The following ZGPAT variants were observed in gnomAD, a reference collection of about 807,000 sequenced individuals.
The protein encoded by ZGPAT is zinc finger CCCH-type with G patch domain-containing protein.
Under a neutral mutation model 47.9 loss-of-function variants are expected in ZGPAT, and 39 were observed. The observed-to-expected ratio is 0.81, with a 90% CI of 0.63 to 1.06. ZGPAT has a LOEUF of 1.06. Among genes scored for constraint, ZGPAT ranks in the 50% least tolerant of loss-of-function variants. ZGPAT has a pLI of 0.00. For missense variants in ZGPAT, 717 were observed against 681.4 expected (o/e 1.05, Z -0.58); for synonymous variants, 348 against 292.9 (o/e 1.19, Z -1.92).
chr20:63,734,348 G>A (rs986849068), intron 4 of ZGPAT: 8 of 365,690 alleles, frequency 2.2e-5, no homozygotes, highest in Admixed American at 4.3e-5. Flanking sequence ...GGTGAAGGAG[G>A]ACTGAACCAA....
intron 2 of ZGPAT, among the ~76,000 whole-genome samples, chr20:63,711,652 AC>A (rs779470202): frequency 3.3e-5 from 5 of 151,668 alleles, no homozygotes; most frequent in African/African-American, 9.7e-5. Context: ...AGGCTAGAGT[AC>A]AATGGCATGA....
chr20:63,717,476 C>T (rs1011822470), intron 2 of ZGPAT, among the ~76,000 whole-genome samples: 29 of 151,478 alleles, frequency 1.9e-4, no homozygotes, highest in Admixed American at 1.8e-3. Context: ...CCTGAGTAGA[C>T]GTTTCCCGGC....
intron 2 of ZGPAT, among the ~76,000 whole-genome samples, chr20:63,710,995 CCTAGTT>C (rs1440623310): frequency 6.6e-6 from 1 of 151,784 alleles, no homozygotes; most frequent in Non-Finnish European, 1.5e-5. Context: ...TGTAACCATC[CCTAGTT>C]CTAGTTCTAG....
chr20:63,713,420 T>C (rs1222714630), intron 2 of ZGPAT, among the ~76,000 whole-genome samples: 1 of 151,840 alleles, frequency 6.6e-6, no homozygotes, highest in Non-Finnish European at 1.5e-5. Context: ...TTAGTAGAGA[T>C]GGGGTTTCAC....
At chr20:63,713,922 T>C (rs2091698709) in intron 2 of ZGPAT, among the ~76,000 whole-genome samples, 1 of 151,914 alleles carries the variant, frequency 6.6e-6, no homozygotes, top group South Asian at 2.1e-4. Flanking sequence ...AATCCTGTAT[T>C]GATTGCTGAA....
intron 2 of ZGPAT, among the ~76,000 whole-genome samples, chr20:63,722,644 T>C (rs1280913807): frequency 1.3e-5 from 2 of 148,330 alleles, no homozygotes; most frequent in African/African-American, 5.1e-5. Flanking sequence ...AGTACAGCAT[T>C]TTTTTTTTTA....
At chr20:63,708,484 C>T (rs1215732593) in intron 1 of ZGPAT, 69 bp from the exon 2 acceptor site, 4 of 1,176,292 alleles carry the variant, frequency 3.4e-6, no homozygotes, top group South Asian at 1.6e-5. Flanking sequence ...CGTGCCCGTG[C>T]CCGTGCCCGC....
chr20:63,735,022 G>T, intron 5 of ZGPAT, 137 bp from the exon 6 acceptor site: 1 of 1,337,524 alleles, frequency 7.5e-7, no homozygotes, highest in Non-Finnish European at 9.8e-7. Context: ...AGATTCCCAG[G>T]GTCCTACGGC....
intron 2 of ZGPAT, among the ~76,000 whole-genome samples, chr20:63,710,481 A>G (rs536217219): frequency 1.1e-4 from 16 of 152,302 alleles, no homozygotes; most frequent in African/African-American, 3.8e-4. Context: ...CTAGAGTTCA[A>G]CTTTTAAATT....
chr20:63,709,073 G>A lies in ZGPAT; in HGVS notation c.493G>A (p.Val165Ile). The change falls in exon 2 of 7, where the codon GTC becomes ATC. Residue 165 changes from valine to isoleucine, a missense_variant. Physicochemically the swap from Val to Ile is conservative, Grantham distance 29. Coordinates refer to ENST00000355969, the MANE Select transcript of ZGPAT (RefSeq NM_181485.3). ...AGAGGCGGAGGATGGCTCGGCGGGT[G>A]TCCGTGTGCTTTACCTGTACCCCAC... Reference protein sequence around the residue: ...TEEAEDGSAGVRVLYLYPTHK... With the variant: ...TEEAEDGSAGIRVLYLYPTHK... The A allele has an allele frequency of 1.2e-6, 2 of 1,613,304 alleles. No individual in the cohort carries two copies. The highest frequency in any genetic ancestry group is 8.5e-7 in the Non-Finnish European group (1 of 1,180,028).
At chr20:63,732,548 T>C (rs559125414) in intron 2 of ZGPAT, among the ~76,000 whole-genome samples, 13 of 152,210 alleles carry the variant, frequency 8.5e-5, no homozygotes, top group African/African-American at 2.9e-4. Flanking sequence ...CGTATATCCA[T>C]GTATGACTGC....
Position 63,708,989 on chromosome 20 carries a change from C to T in ZGPAT, c.409C>T (p.Pro137Ser). ...EELSGTKVSAPYYSSWGTLEY... is the reference protein window; with the variant it reads ...EELSGTKVSASYYSSWGTLEY... ...GCTGAGTGGGACAAAGGTGAGCGCG[C>T]CCTACTACAGCTCCTGGGGCACTCT... Residue 137 changes from proline (P) to serine (S), a missense_variant, in exon 2 of 7, where the codon CCC becomes TCC. By Grantham distance (74) the Pro-to-Ser change is moderately conservative (BLOSUM62 -1). Coordinates refer to ENST00000355969, the MANE Select transcript of ZGPAT (RefSeq NM_181485.3). The T allele has an allele frequency of 6.2e-7, 1 of 1,613,496 alleles. No individual in the cohort carries two copies. The highest frequency in any genetic ancestry group is 8.5e-7 in the Non-Finnish European group (1 of 1,180,002).
Position 63,708,912 on chromosome 20 carries a change from C to T in ZGPAT, c.332C>T (p.Pro111Leu). 2.5e-6 allele frequency: 4 copies of T among 1,612,046 alleles called. No individual in the cohort carries two copies. The highest frequency in any genetic ancestry group is 1.7e-4 in the Middle Eastern group (1 of 6,058). The change falls in exon 2 of 7, where the codon CCA becomes CTA. Residue 111 changes from proline (P) to leucine (L), a missense_variant. By Grantham distance (98) the Pro-to-Leu change is moderately conservative (BLOSUM62 -3). Transcript: ENST00000355969. ...SETVPKAEAGPESAAGGQEEE... is the reference protein window; with the variant it reads ...SETVPKAEAGLESAAGGQEEE... ...ACCGTTCCTAAAGCAGAGGCGGGGC[C>T]AGAATCTGCGGCAGGTGGGCAGGAG...
At chr20:63,733,014 GTA>G (rs1169111987) in intron 2 of ZGPAT, among the ~76,000 whole-genome samples, 7 of 151,660 alleles carry the variant, frequency 4.6e-5, no homozygotes, top group East Asian at 1.9e-4. Flanking sequence ...GTGCATGTGT[GTA>G]TGTGTGCGTG....
At position 63,734,811 on chromosome 20, in the gene ZGPAT, T is replaced by C; in HGVS notation, c.978T>C (p.Tyr326=). 1 of 1,599,566 alleles carries C rather than the reference T, an allele frequency of 6.3e-7. No individual in the cohort carries two copies. Among genetic ancestry groups the C allele is most frequent in the Non-Finnish European group, 8.5e-7 (1 of 1,172,152 alleles). Residue 326 remains tyrosine (Y), a synonymous_variant, in exon 5 of 7, where the codon TAT becomes TAC. Coordinates refer to ENST00000355969, the MANE Select transcript of ZGPAT (RefSeq NM_181485.3). ...IGSRLLTKMG[Y]EFGKGLGRHA... ...CCAGACTCCTCACCAAGATGGGCTA[T>C]GAGTTTGGCAAGGGTGAGTACAAGC... is the stretch of plus-strand genomic sequence containing the variant.
chr20:63,718,442 C>T (rs932172910), intron 2 of ZGPAT, among the ~76,000 whole-genome samples: 1 of 151,952 alleles, frequency 6.6e-6, no homozygotes, highest in African/African-American at 2.4e-5. Context: ...AAGTGATCCT[C>T]CCACCTCAGC....
chr20:63,718,524 C>T (rs1473461972), intron 2 of ZGPAT, among the ~76,000 whole-genome samples: 2 of 151,730 alleles, frequency 1.3e-5, no homozygotes, highest in African/African-American at 2.4e-5. Context: ...TCTTAACGTG[C>T]TGGTCAGACT....
chr20:63,718,637 T>A (rs879730365), intron 2 of ZGPAT, among the ~76,000 whole-genome samples: 2 of 148,370 alleles, frequency 1.3e-5, no homozygotes, highest in Admixed American at 6.7e-5. Context: ...TTTTTTTTTT[T>A]AATAGAGAGA....
intron 2 of ZGPAT, 113 bp downstream of exon 2, chr20:63,709,277 G>A (rs2091625309): frequency 1.7e-6 from 2 of 1,181,594 alleles, no homozygotes; most frequent in East Asian, 2.4e-5. Flanking sequence ...GCTTCCTGGG[G>A]CAGGCGTGCT....
Sources: gnomAD v4.1 joint callset for allele counts (sites outside exome capture counted in the v4.1 genomes callset) on GRCh38, gnomAD v4.1.1 for gene constraint, MANE v1.5 for transcripts, NCBI Gene and HGNC (gene_info 2026-07-23, HGNC 2026-07-21) for gene names.